CCDC138: variants seen among roughly 807,000 people sequenced by gnomAD.
The protein encoded by CCDC138 is coiled-coil domain containing 138, also known as coiled-coil domain-containing protein 138.
In CCDC138, 66 loss-of-function variants were observed where a neutral mutation model predicts 82.3. The observed-to-expected ratio is 0.80, with a 90% CI of 0.66 to 0.98. CCDC138 has a LOEUF of 0.98. CCDC138 is among the 50% of genes least tolerant of loss of function. The pLI is 0.00. For missense variants in CCDC138, 816 were observed against 758.9 expected, an observed-to-expected ratio of 1.08 and a Z score of -0.88; for synonymous variants, 297 against 265.4, an observed-to-expected ratio of 1.12 and a Z score of -1.16.
chr2:108,850,617 A>G (rs1691307554), intron 12 of CCDC138, among the ~76,000 whole-genome samples: 1 of 151,836 alleles, frequency 6.6e-6, no homozygotes, highest in African/African-American at 2.4e-5. Context: ...ACACCCTGCT[A>G]ATTTTTTCTA....
At chr2:108,846,953 G>T in intron 12 of CCDC138, 23 bp downstream of exon 12, 1 of 1,309,092 alleles carries the variant, frequency 7.6e-7, no homozygotes, top group South Asian at 1.2e-5. Flanking sequence ...TTGTACTTAT[G>T]GTTAATTTTG....
chr2:108,842,779 GA>G (rs1451804061), intron 11 of CCDC138, among the ~76,000 whole-genome samples: 2 of 152,166 alleles, frequency 1.3e-5, no homozygotes, highest in Admixed American at 1.3e-4. Context: ...CTTCTAGGGT[GA>G]AAAAGTCCAA....
intron 14 of CCDC138, among the ~76,000 whole-genome samples, chr2:108,875,476 T>C (rs1695895894): frequency 6.6e-6 from 1 of 152,118 alleles, no homozygotes; most frequent in African/African-American, 2.4e-5. Context: ...CAAAATAGGA[T>C]GATCAAATGT....
intron 11 of CCDC138, among the ~76,000 whole-genome samples, chr2:108,840,267 T>C (rs968539156): frequency 1.3e-5 from 2 of 152,184 alleles, no homozygotes; most frequent in Admixed American, 6.5e-5. Flanking sequence ...TTAAGGACTT[T>C]TGTTTCTATA....
chr2:108,788,164 A>G, intron 2 of CCDC138, 75 bp downstream of exon 2: 1 of 1,482,246 alleles, frequency 6.7e-7, no homozygotes, highest in African/African-American at 1.4e-5. Context: ...CACGCCTGTA[A>G]TCCCAGCACT....
chr2:108,880,224 C>A (rs199809097), downstream of CCDC138, among the ~76,000 whole-genome samples: 6 of 50,442 alleles, frequency 1.2e-4, no homozygotes, highest in Admixed American at 2.6e-4. Flanking sequence ...CAAAAACAAA[C>A]AAAAAAAAAA....
chr2:108,823,254 A>G (rs1686006540), intron 10 of CCDC138, among the ~76,000 whole-genome samples: 1 of 152,210 alleles, frequency 6.6e-6, no homozygotes, highest in Admixed American at 6.5e-5. Flanking sequence ...TCTTCGAAAA[A>G]ATTGAAAGGG....
At chr2:108,856,568 C>T (rs193081987) in intron 12 of CCDC138, among the ~76,000 whole-genome samples, 94 of 152,248 alleles carry the variant, frequency 6.2e-4, no homozygotes, top group Admixed American at 1.5e-3. Context: ...GGTGTTAAAA[C>T]ATGAAAATTC....
At chr2:108,873,403 CT>C in intron 13 of CCDC138, 47 bp from the exon 14 acceptor site, 2 of 1,420,884 alleles carry the variant, frequency 1.4e-6, no homozygotes, top group Non-Finnish European at 1.9e-6. Context: ...TTTTAATTTC[CT>C]TTTTCGCTAC....
At chr2:108,834,185 A>G (rs2150331480) in intron 10 of CCDC138, among the ~76,000 whole-genome samples, 1 of 148,576 alleles carries the variant, frequency 6.7e-6, no homozygotes, top group African/African-American at 2.6e-5. Context: ...GCTGATCTGT[A>G]ATGAGAGTTT....
intron 11 of CCDC138, among the ~76,000 whole-genome samples, chr2:108,841,335 A>C (rs1040258203): frequency 4.6e-5 from 7 of 152,134 alleles, no homozygotes; most frequent in Non-Finnish European, 8.8e-5. Flanking sequence ...GTCCTGTTCT[A>C]TCAAGTGTGG....
At chr2:108,831,566 A>G (rs1003639957) in intron 10 of CCDC138, among the ~76,000 whole-genome samples, 3 of 152,216 alleles carry the variant, frequency 2.0e-5, no homozygotes, top group South Asian at 2.1e-4. Context: ...GAAGAAACTG[A>G]AAGTCAGATA....
chr2:108,807,828 G>A (rs1683126499), intron 7 of CCDC138, among the ~76,000 whole-genome samples: 1 of 152,154 alleles, frequency 6.6e-6, no homozygotes, highest in Admixed American at 6.5e-5. Context: ...ATGTTGGCCA[G>A]GGTGGTCTCA....
intron 10 of CCDC138, among the ~76,000 whole-genome samples, chr2:108,821,062 A>G (rs1391335196): frequency 6.6e-6 from 1 of 152,222 alleles, no homozygotes; most frequent in Non-Finnish European, 1.5e-5. Flanking sequence ...ACAACATATA[A>G]AGATATAATT....
intron 6 of CCDC138, among the ~76,000 whole-genome samples, chr2:108,804,335 T>G (rs1343073251): frequency 3.3e-5 from 5 of 152,190 alleles, no homozygotes; most frequent in African/African-American, 1.2e-4. Flanking sequence ...ATAGAACTGA[T>G]TAAGAAGAGT....
intron 13 of CCDC138, among the ~76,000 whole-genome samples, chr2:108,864,678 C>T (rs182777022): frequency 1.8e-4 from 27 of 152,030 alleles, no homozygotes; most frequent in African/African-American, 6.5e-4. Flanking sequence ...CCTGTAGTCC[C>T]AGCTACTCGG....
rs1347923538 is a variant in CCDC138, at chr2:108,873,492, T to C, written c.1735T>C (p.Phe579Leu). Reference protein sequence around the residue: ...PFLEACSNSLFFRTCSVLLRA... With the variant: ...PFLEACSNSLLFRTCSVLLRA... ...CCTGGAAGCCTGTAGCAACTCTTTA[T>C]TTTTTCGTACTTGCTCTGTGCTGCT... Residue 579 changes from phenylalanine to leucine, a missense_variant, in exon 14 of 15, where the codon TTT becomes CTT. Phe to Leu is a conservative substitution (Grantham distance 22, BLOSUM62 0). Transcript: ENST00000295124. The C allele has an allele frequency of 1.2e-6, 2 of 1,608,704 alleles. No homozygotes were observed. The highest frequency in any genetic ancestry group is 8.5e-7 in the Non-Finnish European group (1 of 1,177,738).
In CCDC138 at chr2:108,795,093, T is replaced by C. The variant is rs183231550; in HGVS notation, c.576+372T>C. Among the ~76,000 whole-genome samples, 3 of 152,058 alleles carry C rather than the reference T, an allele frequency of 2.0e-5. No individual in the cohort carries two copies. The East Asian group carries it at 5.8e-4, about 29-fold the overall frequency. On this transcript the variant is annotated intron_variant, in intron 5 of 14. Coordinates refer to ENST00000295124, the MANE Select transcript of CCDC138 (RefSeq NM_144978.3). ...GTCTTCTTGTCAACTCTCATCAAAATTGAACTCTTAACATTTGCTTATTAT... is the reference window on the plus strand; with the variant it reads ...GTCTTCTTGTCAACTCTCATCAAAACTGAACTCTTAACATTTGCTTATTAT...
chr2:108,816,180 G>C (rs1684774291), intron 10 of CCDC138, 75 bp downstream of exon 10: 1 of 1,085,040 alleles, frequency 9.2e-7, no homozygotes, highest in Non-Finnish European at 1.4e-6. Context: ...GCCAGGCACA[G>C]TGGCTCACGT....
Sources: allele counts gnomAD v4.1 joint callset (sites outside exome capture counted in the v4.1 genomes callset), GRCh38; gene constraint gnomAD v4.1.1; transcripts MANE v1.5; gene names NCBI Gene and HGNC (gene_info 2026-07-23, HGNC 2026-07-21).